EDC3: variants seen among roughly 807,000 people sequenced by gnomAD.
EDC3 encodes the protein enhancer of mRNA decapping 3.
A neutral mutation model predicts 41.8 loss-of-function variants in EDC3; 20 were observed. The observed-to-expected ratio is 0.48, with a 90% CI of 0.34 to 0.70. EDC3 has a LOEUF of 0.70. Among genes scored for constraint, EDC3 ranks in the 30% least tolerant of loss-of-function variants. The pLI, the probability that EDC3 is intolerant of heterozygous loss-of-function variation, is 0.01. For synonymous variants in EDC3, 206 were observed against 243.2 expected, an observed-to-expected ratio of 0.85 and a Z score of 1.42; for missense variants, 444 against 636.8, an observed-to-expected ratio of 0.70 and a Z score of 3.26.
intron 1 of EDC3, among the ~76,000 whole-genome samples, chr15:74,686,207 C>T (rs1335470169): frequency 6.6e-6 from 1 of 152,142 alleles, no homozygotes; most frequent in African/African-American, 2.4e-5. Context: ...TTCCTGTAAT[C>T]CCAGTTACTC....
intron 1 of EDC3, among the ~76,000 whole-genome samples, chr15:74,694,104 T>C (rs1285761599): frequency 6.6e-6 from 1 of 152,204 alleles, no homozygotes; most frequent in Non-Finnish European, 1.5e-5. Flanking sequence ...TCTGGCTGAA[T>C]TTAGGAGAAC....
At chr15:74,674,110 A>T (rs2062773936) in intron 2 of EDC3, among the ~76,000 whole-genome samples, 1 of 152,026 alleles carries the variant, frequency 6.6e-6, no homozygotes, top group African/African-American at 2.4e-5. Context: ...TTTTATTTTT[A>T]TTTATTTTTT....
chr15:74,665,374 T>C (rs1348725682), intron 3 of EDC3, among the ~76,000 whole-genome samples: 3 of 152,196 alleles, frequency 2.0e-5, no homozygotes, highest in African/African-American at 7.2e-5. Flanking sequence ...TTAACTTAAC[T>C]GTTAAATTTT....
At chr15:74,659,512 A>ATATATATATATATATATATG (rs1567166924) in intron 3 of EDC3, among the ~76,000 whole-genome samples, 2 of 146,138 alleles carry the variant, frequency 1.4e-5, no homozygotes, top group African/African-American at 5.1e-5. Context: ...ATATATATAT[A>ATATATATATATATATATATG]GGCAAATAAT....
At chr15:74,640,359 A>C in intron 5 of EDC3, 107 bp downstream of exon 5, 1 of 1,299,896 alleles carries the variant, frequency 7.7e-7, no homozygotes, top group Non-Finnish European at 1.1e-6. Context: ...TCAGATGAGC[A>C]GAAACTGCCT....
rs556849496 is a variant in EDC3, at chr15:74,632,972, A to G, written c.1193-26T>C. 2 of 1,608,636 alleles carry G rather than the reference A, an allele frequency of 1.2e-6. No individual in the cohort carries two copies. The highest frequency in any genetic ancestry group is 1.7e-6 in the Non-Finnish European group (2 of 1,176,444). On this transcript the variant is annotated intron_variant, in intron 6 of 6. Coordinates refer to ENST00000315127, the MANE Select transcript of EDC3 (RefSeq NM_025083.5). The surrounding 1 kb of genome is among the most constrained non-coding windows in gnomAD (Gnocchi z 4.0). ...CTGCAGGTGGAAAGAGTGCCATCTG[A>G]AAGTCCCTATGAGCAGAGAGCAGCC...
At chr15:74,679,533 G>C (rs747556029) in intron 1 of EDC3, among the ~76,000 whole-genome samples, 5 of 152,066 alleles carry the variant, frequency 3.3e-5, no homozygotes, top group African/African-American at 4.8e-5. Context: ...TTGATACCAA[G>C]ACCTGACAAC....
intron 2 of EDC3, among the ~76,000 whole-genome samples, chr15:74,672,858 G>A (rs2062755318): frequency 6.6e-6 from 1 of 151,852 alleles, no homozygotes; most frequent in African/African-American, 2.4e-5. Context: ...TGTTATGACA[G>A]AGGTGTGCAT....
In EDC3 at chr15:74,653,094, C is replaced by T. The variant is rs550750538; in HGVS notation, c.820+2639G>A. On this transcript the variant is annotated intron_variant, in intron 4 of 6. Transcript: ENST00000315127. ...ACTCAGGAGGCTGAGGCAGGAGAATCGCTTGAACCTGGGAGGTAGAGGTTG... is the reference window on the plus strand; with the variant it reads ...ACTCAGGAGGCTGAGGCAGGAGAATTGCTTGAACCTGGGAGGTAGAGGTTG... Among the ~76,000 whole-genome samples the T allele has an allele frequency of 9.0e-4, 137 of 151,494 alleles. 1 individual carries two copies. Among genetic ancestry groups the T allele is most frequent in the African/African-American group, 3.2e-3 (132 of 41,322 alleles).
At chr15:74,663,695 T>C (rs2062647050) in intron 3 of EDC3, among the ~76,000 whole-genome samples, 1 of 146,856 alleles carries the variant, frequency 6.8e-6, no homozygotes, top group Admixed American at 6.8e-5. Context: ...TTTTGTTCAG[T>C]TTCAAAAAAA....
intron 1 of EDC3, among the ~76,000 whole-genome samples, chr15:74,690,191 A>G (rs1014153032): frequency 6.6e-6 from 1 of 152,368 alleles, no homozygotes; most frequent in African/African-American, 2.4e-5. Context: ...CAATCTGTGT[A>G]GCTAGGAAGG....
chr15:74,655,760 G>A lies in EDC3; in HGVS notation c.793C>T (p.His265Tyr), dbSNP rs755570696. 1.9e-6 allele frequency: 3 copies of A among 1,612,628 alleles called. No individual in the cohort carries two copies. The highest frequency in any genetic ancestry group is 8.5e-7 in the Non-Finnish European group (1 of 1,178,724). ...PIVYRRIIVP[H>Y]NVSKEFCTDS... ...GTGCAGAACTCCTTGCTCACGTTGT[G>A]GGGCACTATGATCCGTCGATAGACA... Residue 265 changes from histidine (H) to tyrosine (Y), a missense_variant, in exon 4 of 7, where the codon CAC (histidine) becomes TAC (tyrosine). His to Tyr is a moderately conservative substitution (Grantham distance 83). This residue lies in a region of EDC3 where 242 missense variants were observed against 363.8 expected (regional missense o/e 0.67). Transcript: ENST00000315127.
At chr15:74,669,050 A>C (rs2062710211) in intron 3 of EDC3, among the ~76,000 whole-genome samples, 1 of 152,152 alleles carries the variant, frequency 6.6e-6, no homozygotes, top group South Asian at 2.1e-4. Flanking sequence ...AGCTTGGGCA[A>C]CATGGCATTA....
At chr15:74,640,442 C>A (rs767871681) in intron 5 of EDC3, 24 bp downstream of exon 5, 1 of 1,612,074 alleles carries the variant, frequency 6.2e-7, no homozygotes, top group South Asian at 1.1e-5. Context: ...CACATTGAGT[C>A]CCTGCCAGTT....
chr15:74,656,064 T>C lies in EDC3; in HGVS notation c.489A>G (p.Ser163=), dbSNP rs2062545054. Residue 163 remains serine (S), a synonymous_variant, in exon 4 of 7, where the codon TCA becomes TCG. Transcript: ENST00000315127. ...KSFRRRHNSW[S]SSSRHPNQAT... is the part of the protein sequence containing the mutation. ...CCTGATTTGGGTGCCTGCTACTAGA[T>C]GACCCTGGAGAAAAAATAGGGACTA... 1 of 1,609,664 alleles carries C rather than the reference T, an allele frequency of 6.2e-7. No homozygotes were observed. Among genetic ancestry groups the C allele is most frequent in the Non-Finnish European group, 8.5e-7 (1 of 1,177,472 alleles).
intron 1 of EDC3, among the ~76,000 whole-genome samples, chr15:74,681,661 T>G (rs2062872063): frequency 6.6e-6 from 1 of 152,188 alleles, no homozygotes. Flanking sequence ...GGCAGCATAG[T>G]TTTTACAACA....
At chr15:74,662,162 C>T (rs2062627910) in intron 3 of EDC3, among the ~76,000 whole-genome samples, 1 of 152,164 alleles carries the variant, frequency 6.6e-6, no homozygotes, top group Admixed American at 6.6e-5. Flanking sequence ...GGCCCAAACA[C>T]ACTATCTTTG....
At chr15:74,680,361 A>C (rs1337582975) in intron 1 of EDC3, among the ~76,000 whole-genome samples, 1 of 152,102 alleles carries the variant, frequency 6.6e-6, no homozygotes, top group South Asian at 2.1e-4. Flanking sequence ...CAATCAATGT[A>C]ATCTACCATA....
intron 4 of EDC3, among the ~76,000 whole-genome samples, chr15:74,646,545 C>G (rs2141596411): frequency 6.6e-6 from 1 of 152,338 alleles, no homozygotes; most frequent in East Asian, 1.9e-4. Context: ...CCTTGAAAGA[C>G]AGGCAGGACT....
Sources: allele counts gnomAD v4.1 joint callset (sites outside exome capture counted in the v4.1 genomes callset), GRCh38; gene constraint gnomAD v4.1.1; regional missense constraint gnomAD v4.1.1; non-coding constraint Gnocchi (gnomAD v3.1); transcripts MANE v1.5; gene names NCBI Gene and HGNC (gene_info 2026-07-23, HGNC 2026-07-21).